The following CDH18 variants were observed in gnomAD, a reference collection of about 807,000 sequenced individuals.
CDH18 encodes the protein cadherin-18.
In CDH18, 31 loss-of-function variants were observed where a neutral mutation model predicts 67.9. The observed-to-expected ratio is 0.46, with a 90% CI of 0.34 to 0.62. The LOEUF is 0.62. Ranked by LOEUF, CDH18 falls within the 20% of genes least tolerant of loss-of-function variation. The probability of loss-of-function intolerance (pLI) is 0.01; values close to 1 mark genes in which losing one functional copy is unlikely to be tolerated. For missense variants in CDH18, 890 were observed against 975.5 expected (o/e 0.91, Z 1.17); for synonymous variants, 362 against 347.2 (o/e 1.04, Z -0.48).
At chr5:19,594,071 G>C (rs2150039727) in intron 6 of CDH18, among the ~76,000 whole-genome samples, 1 of 152,120 alleles carries the variant, frequency 6.6e-6, no homozygotes, top group Admixed American at 6.5e-5. Flanking sequence ...GTTTGAATTA[G>C]TGTTTGTGTA....
intron 10 of CDH18, among the ~76,000 whole-genome samples, chr5:19,516,986 T>C (rs1211650133): frequency 1.3e-5 from 2 of 152,144 alleles, no homozygotes; most frequent in Non-Finnish European, 2.9e-5. Flanking sequence ...CATATCTCTG[T>C]GGGAAATGCC....
chr5:19,638,659 G>T (rs1164680058), intron 5 of CDH18, among the ~76,000 whole-genome samples: 1 of 149,704 alleles, frequency 6.7e-6, no homozygotes, highest in Non-Finnish European at 1.5e-5. Flanking sequence ...CCCCCCCCGC[G>T]CCCCACATAA....
At chr5:20,526,912 G>A (rs11748170) in intron 1 of CDH18, among the ~76,000 whole-genome samples, 47 of 151,974 alleles carry the variant, frequency 3.1e-4, no homozygotes, top group Non-Finnish European at 6.2e-4. Context: ...CACAGAACTG[G>A]GCTGAAGCTG....
chr5:20,304,537 T>C lies in CDH18; in HGVS notation c.-579-49032A>G, dbSNP rs1736247608. On this transcript the variant is annotated intron_variant, in intron 1 of 14. Transcript: ENST00000507958. ...AGACTGGTTTACTCTGGTAATATCTTTGCCAAATAAACTGGAGTTTCCAGG... is the reference window on the plus strand; with the variant it reads ...AGACTGGTTTACTCTGGTAATATCTCTGCCAAATAAACTGGAGTTTCCAGG... 1.1e-5 allele frequency: 17 copies of C among 1,611,368 alleles called. No individual in the cohort carries two copies. The South Asian group carries it at 1.8e-4, about 17-fold the overall frequency.
At chr5:20,402,473 T>A (rs190970022) in intron 1 of CDH18, among the ~76,000 whole-genome samples, 129 of 152,298 alleles carry the variant, frequency 8.5e-4, no homozygotes, top group South Asian at 2.1e-3. Context: ...CGCAAGGACA[T>A]CTTAGAGATA....
chr5:19,754,337 C>T (rs1771247781), intron 3 of CDH18, among the ~76,000 whole-genome samples: 1 of 152,104 alleles, frequency 6.6e-6, no homozygotes, highest in African/African-American at 2.4e-5. Context: ...TGCAAATGGA[C>T]ACCAAAAGGA....
At chr5:20,226,911 A>G (rs1421225119) in intron 2 of CDH18, among the ~76,000 whole-genome samples, 1 of 152,014 alleles carries the variant, frequency 6.6e-6, no homozygotes, top group Non-Finnish European at 1.5e-5. Flanking sequence ...AAATGACTAA[A>G]TTCGAATCAC....
chr5:19,646,562 A>C (rs1580681683), intron 5 of CDH18, among the ~76,000 whole-genome samples: 1 of 151,680 alleles, frequency 6.6e-6, no homozygotes, highest in Non-Finnish European at 1.5e-5. Flanking sequence ...CTGGTCTCAA[A>C]CTCCTGACCT....
At chr5:19,701,487 T>C (rs963321216) in intron 5 of CDH18, among the ~76,000 whole-genome samples, 7 of 152,122 alleles carry the variant, frequency 4.6e-5, no homozygotes, top group East Asian at 1.9e-4. Context: ...CACAGAGTTA[T>C]GAGGAATTTG....
chr5:20,217,663 C>A (rs1196180714), intron 2 of CDH18, among the ~76,000 whole-genome samples: 1 of 151,584 alleles, frequency 6.6e-6, no homozygotes, highest in African/African-American at 2.4e-5. Flanking sequence ...AGGAGTAAGT[C>A]TTTAATTATT....
intron 1 of CDH18, among the ~76,000 whole-genome samples, chr5:20,441,772 G>C (rs185819775): frequency 2.0e-5 from 3 of 146,772 alleles, no homozygotes; most frequent in Non-Finnish European, 3.0e-5. Flanking sequence ...CAAGATAAAA[G>C]GATTTATTTA....
rs1580781280 is a variant in CDH18, at chr5:20,335,435, G to C, written c.-579-79930C>G. Among the ~76,000 whole-genome samples, 3 of 151,820 alleles carry C rather than the reference G, an allele frequency of 2.0e-5. 1 individual carries two copies. In the South Asian group the frequency reaches 6.3e-4, roughly 32 times the overall value. ...TTGTCATTATTTTTGTGGAGACAGG[G>C]TCTTGCTCTGTTGCCCAGGGTAGTC... On this transcript the variant is annotated intron_variant, in intron 1 of 14. Transcript: ENST00000507958.
intron 2 of CDH18, among the ~76,000 whole-genome samples, chr5:20,081,860 G>A (rs948492643): frequency 6.6e-6 from 1 of 152,056 alleles, no homozygotes. Flanking sequence ...TGATTACCTG[G>A]TGATGAAAGA....
chr5:20,517,895 C>T (rs917245591), intron 1 of CDH18, among the ~76,000 whole-genome samples: 22 of 152,012 alleles, frequency 1.4e-4, no homozygotes, highest in African/African-American at 5.3e-4. Flanking sequence ...AAGGTAGAAT[C>T]AGTTGAGAGG....
At chr5:19,662,532 A>G (rs1175701129) in intron 5 of CDH18, among the ~76,000 whole-genome samples, 1 of 152,080 alleles carries the variant, frequency 6.6e-6, no homozygotes, top group Non-Finnish European at 1.5e-5. Context: ...TTATCTCTGC[A>G]TTTTAGTTCC....
At chr5:19,620,121 T>A (rs966527042) in intron 5 of CDH18, among the ~76,000 whole-genome samples, 3 of 152,178 alleles carry the variant, frequency 2.0e-5, no homozygotes, top group Admixed American at 6.5e-5. Flanking sequence ...AGGTAGACAT[T>A]TTTATGCTTT....
chr5:19,535,347 G>C (rs1404317076), intron 9 of CDH18, among the ~76,000 whole-genome samples: 1 of 152,090 alleles, frequency 6.6e-6, no homozygotes, highest in Non-Finnish European at 1.5e-5. Flanking sequence ...GGATCTCTTT[G>C]TGTGCTAAGG....
At chr5:19,831,749 G>T (rs766984660) in intron 3 of CDH18, among the ~76,000 whole-genome samples, 5 of 151,798 alleles carry the variant, frequency 3.3e-5, no homozygotes, top group Non-Finnish European at 5.9e-5. Flanking sequence ...CCCACTAATG[G>T]ATATATACCC....
chr5:19,705,705 C>T (rs187627910), intron 5 of CDH18, among the ~76,000 whole-genome samples: 5,940 of 151,906 alleles, frequency 0.039, 370 homozygotes, highest in African/African-American at 0.13. Flanking sequence ...GATCAAATCA[C>T]TACTGTGATA....
Sources: allele counts gnomAD v4.1 joint callset (sites outside exome capture counted in the v4.1 genomes callset), GRCh38; gene constraint gnomAD v4.1.1; transcripts MANE v1.5; gene names NCBI Gene and HGNC (gene_info 2026-07-23, HGNC 2026-07-21).